Variants in SPG7 observed in about 807,000 individuals in gnomAD.
The protein encoded by SPG7 is SPG7 matrix AAA peptidase subunit, paraplegin.
In SPG7, 103 loss-of-function variants were observed where a neutral mutation model predicts 81.9. That is an observed-to-expected ratio of 1.26 (90% confidence interval 1.07 to 1.48). The LOEUF (loss-of-function observed/expected upper bound fraction) is 1.48, where lower values mean the gene tolerates loss of function less well. Among genes scored for constraint, SPG7 ranks in the 40% most tolerant of loss-of-function variants. The probability of loss-of-function intolerance (pLI) is 0.00; values close to 1 mark genes in which losing one functional copy is unlikely to be tolerated. For synonymous variants in SPG7, 534 were observed against 444.2 expected (o/e 1.20, Z -2.54); for missense variants, 1,241 against 1,087.3 (o/e 1.14, Z -1.99).
chr16:89,532,421 T>C, intron 8 of SPG7, 42 bp from the exon 9 acceptor site: 1 of 1,610,218 alleles, frequency 6.2e-7, no homozygotes, highest in Non-Finnish European at 8.5e-7. Flanking sequence ...GCTTTGTTTT[T>C]TATTAACTGC....
chr16:89,556,345 T>C (rs1249983825), intron 16 of SPG7: 2 of 346,364 alleles, frequency 5.8e-6, no homozygotes, highest in Non-Finnish European at 1.0e-5. Flanking sequence ...AGTTCTGCCT[T>C]CACAGAAACC....
chr16:89,557,161 C>A lies in SPG7; in HGVS notation c.*68C>A. On this transcript the variant is annotated 3_prime_UTR_variant, in exon 17 of 17. Coordinates refer to ENST00000645818, the MANE Select transcript of SPG7 (RefSeq NM_003119.4). The stretch of plus-strand genomic sequence containing the variant: ...GGGCTCACTCAGCCACCCTGAGTTG[C>A]TTTTCAGCTGAGGTTTGCACTTCCT... The A allele has an allele frequency of 8.0e-7, 1 of 1,252,036 alleles. No individual in the cohort carries two copies. The allele number at this position is 1,252,036 out of a possible 1,614,324, so 77.6% of individuals were successfully genotyped here. A position where few individuals can be genotyped will look rare whatever the true frequency, so the allele number is the denominator to read the frequency against.
At chr16:89,550,164 C>G (rs958121358) in intron 12 of SPG7, 9 of 359,330 alleles carry the variant, frequency 2.5e-5, no homozygotes, top group African/African-American at 6.4e-5. Context: ...AGCTCACCCC[C>G]CCGTCATTCT....
chr16:89,553,213 A>G lies in SPG7; in HGVS notation c.1936+78A>G, dbSNP rs2058654558. ...GACTCCTTCTGTTCCAGTGCATGCC[A>G]TGGGGTGAATCTGGTGTAGACGTAG... On this transcript the variant is annotated intron_variant, in intron 14 of 16. Transcript: ENST00000645818. 14 of 1,358,848 alleles carry G rather than the reference A, an allele frequency of 1.0e-5. No homozygotes were observed. The South Asian group carries it at 1.6e-4, about 16-fold the overall frequency. 84.2% of individuals were successfully genotyped at this position (1,358,848 alleles called of 1,614,324 possible).
intron 5 of SPG7, among the ~76,000 whole-genome samples, chr16:89,527,641 C>T (rs1328275026): frequency 6.6e-6 from 1 of 152,166 alleles, no homozygotes; most frequent in African/African-American, 2.4e-5. Flanking sequence ...GAGAGGGAAA[C>T]AGACCAGGTG....
intron 7 of SPG7, 42 bp downstream of exon 7, chr16:89,530,850 C>T (rs771905448): frequency 1.4e-5 from 23 of 1,612,320 alleles, no homozygotes; most frequent in South Asian, 1.3e-4. Flanking sequence ...GAGCAGAGGC[C>T]GGCCGTCCTC....
Position 89,536,562 on chromosome 16 carries a change from CGGGTGAGGTCAGGTGAGGCGGGTG to C in SPG7, c.1324+3927_1324+3950del, listed in dbSNP as rs2152405720. ...GTCAGGTGAGGCAGGTGAGGTGAGG[CGGGTGAGGTCAGGTGAGGCGGGTG>C]AGGTGAGGCAGGTGAGGTGAGGTGG... On this transcript the variant is annotated intron_variant, in intron 9 of 16. Coordinates refer to ENST00000645818, the MANE Select transcript of SPG7 (RefSeq NM_003119.4). 2.2e-5 allele frequency among the ~76,000 whole-genome samples: 2 copies of C among 91,868 alleles called. 1 individual carries two copies. Among genetic ancestry groups the C allele is most frequent in the African/African-American group, 9.0e-5 (2 of 22,308 alleles). 60.3% of individuals were successfully genotyped at this position (91,868 alleles called of 152,430 possible). A position where few individuals can be genotyped will look rare whatever the true frequency, so the allele number is the denominator to read the frequency against.
intron 2 of SPG7, among the ~76,000 whole-genome samples, chr16:89,512,350 C>G (rs1235233072): frequency 1.3e-5 from 2 of 152,046 alleles, no homozygotes; most frequent in African/African-American, 4.8e-5. Context: ...GAGTCTTGCT[C>G]TGTAAACCAG....
chr16:89,520,653 T>G (rs535998777), intron 3 of SPG7: 2 of 152,346 alleles, frequency 1.3e-5, no homozygotes, highest in African/African-American at 2.4e-5. Context: ...CACCTCAGCC[T>G]CCCAAAGTGC....
intron 3 of SPG7, chr16:89,523,426 T>A (rs1281507449): frequency 9.0e-6 from 3 of 332,530 alleles, no homozygotes. Context: ...CAGGTTGTGG[T>A]AAAAGGTATT....
chr16:89,550,454 T>G, intron 12 of SPG7, 40 bp from the exon 13 acceptor site: 58 of 1,454,272 alleles, frequency 4.0e-5, no homozygotes, highest in Non-Finnish European at 5.1e-5. Flanking sequence ...ATTACAGGCG[T>G]GAGCCACCGC....
rs864622507 is a variant in SPG7 at position 89,553,103 on chromosome 16, C to T, written c.1904C>T (p.Ser635Leu). ...RMCMALGGRASEALSFNEVTS... is the reference protein window; with the variant it reads ...RMCMALGGRALEALSFNEVTS... ...TGCATGGCCCTGGGAGGACGGGCCT[C>T]GGAAGCACTGTCCTTCAACGAGGTC... Residue 635 changes from serine to leucine, a missense_variant, in exon 14 of 17, where the codon TCG (serine) becomes TTG (leucine). By Grantham distance (145) the Ser-to-Leu change is moderately radical. Coordinates refer to ENST00000645818, the MANE Select transcript of SPG7 (RefSeq NM_003119.4). 13 of 1,612,366 alleles carry T rather than the reference C, an allele frequency of 8.1e-6. No homozygotes were observed. The highest frequency in any genetic ancestry group is 1.7e-5 in the Admixed American group (1 of 59,784).
At chr16:89,532,125 A>G (rs2058352080) in intron 8 of SPG7, 59 bp downstream of exon 8, 2 of 1,557,552 alleles carry the variant, frequency 1.3e-6, no homozygotes, top group Non-Finnish European at 8.8e-7. Flanking sequence ...CTCCTTTCAC[A>G]CATCCTTCCT....
At chr16:89,534,995 C>T (rs550472373) in intron 9 of SPG7, among the ~76,000 whole-genome samples, 18 of 152,296 alleles carry the variant, frequency 1.2e-4, no homozygotes, top group South Asian at 2.1e-4. Context: ...CTCAGCCTCC[C>T]GAGTAGCTGG....
At chr16:89,510,711 G>GTGCA in intron 2 of SPG7, 119 bp downstream of exon 2, 1 of 716,784 alleles carries the variant, frequency 1.4e-6, no homozygotes, top group Non-Finnish European at 2.5e-6. Flanking sequence ...ACGGGCTGGA[G>GTGCA]TGCAGTACAA....
rs541757224 is a variant in SPG7, at chr16:89,532,511, G to A, written c.1199G>A (p.Arg400Gln). The A allele has an allele frequency of 2.5e-5, 41 of 1,613,512 alleles. No homozygotes were observed. The highest frequency in any genetic ancestry group is 1.8e-4 in the East Asian group (8 of 44,894). ...VRSLFKEARA[R>Q]APCIVYIDEI... The stretch of plus-strand genomic sequence containing the variant: ...AGCCTCTTTAAGGAAGCCCGAGCCC[G>A]GGCCCCCTGCATCGTCTACATCGAT... Residue 400 changes from arginine to glutamine, a missense_variant, in exon 9 of 17, where the codon CGG (arginine) becomes CAG (glutamine). Transcript: ENST00000645818.
chr16:89,531,106 AC>A, intron 7 of SPG7: 6 of 498,808 alleles, frequency 1.2e-5, no homozygotes, highest in Non-Finnish European at 2.2e-5. Flanking sequence ...AACCACATAA[AC>A]ACCTTAGCCA....
At chr16:89,522,564 G>A (rs1482685577) in intron 3 of SPG7, 3 of 152,434 alleles carry the variant, frequency 2.0e-5, no homozygotes, top group Non-Finnish European at 4.4e-5. Flanking sequence ...TGGGTCCGTG[G>A]CGCTGTGTCC....
chr16:89,529,149 C>T (rs2058307522), intron 5 of SPG7: 1 of 382,292 alleles, frequency 2.6e-6, no homozygotes, highest in Admixed American at 3.7e-5. Context: ...ATCTTGCCTG[C>T]CTGATTGAAG....
Sources: allele counts gnomAD v4.1 joint callset (sites outside exome capture counted in the v4.1 genomes callset), GRCh38; gene constraint gnomAD v4.1.1; transcripts MANE v1.5; gene names NCBI Gene and HGNC (gene_info 2026-07-23, HGNC 2026-07-21).